Variants in ATL2 observed in about 807,000 individuals in gnomAD.
ATL2 encodes the protein atlastin-2.
Under a neutral mutation model 73.9 loss-of-function variants are expected in ATL2, and 31 were observed. The ratio of observed to expected loss-of-function variants is 0.42; its 90% CI spans 0.32 to 0.57. The LOEUF is 0.57. ATL2 is among the 20% of genes least tolerant of loss of function. The pLI is 0.14. For missense variants in ATL2, 738 were observed against 702.6 expected (o/e 1.05, Z -0.57); for synonymous variants, 291 against 237.5 (o/e 1.23, Z -2.07).
At chr2:38,327,405 T>C (rs567156412) in intron 2 of ATL2, among the ~76,000 whole-genome samples, 13 of 151,950 alleles carry the variant, frequency 8.6e-5, no homozygotes, top group East Asian at 3.9e-4. Flanking sequence ...TAAATGTACA[T>C]TGCAAACTCC....
chr2:38,343,699 A>G (rs1669860601), intron 1 of ATL2, among the ~76,000 whole-genome samples, 187 bp from the exon 2 acceptor site: 1 of 151,902 alleles, frequency 6.6e-6, no homozygotes, highest in Non-Finnish European at 1.5e-5. Context: ...AAGATTTCCC[A>G]CTTGATATGG....
rs893129589 is a variant in ATL2, at chr2:38,295,570, A to C, written c.*424T>G. Reference sequence around the variant, plus strand: ...AATGTAGTGGCTCAATAAAGGCTTCATTGTCTTTCCAATCTGGTTCTTGAA... The same window carrying C: ...AATGTAGTGGCTCAATAAAGGCTTCCTTGTCTTTCCAATCTGGTTCTTGAA... On this transcript the variant is annotated 3_prime_UTR_variant, in exon 13 of 13. Transcript: ENST00000378954. 1.3e-5 allele frequency: 2 copies of C among 154,198 alleles called. No individual in the cohort carries two copies. The highest frequency in any genetic ancestry group is 2.9e-5 in the Non-Finnish European group (2 of 69,436). The allele number at this position is 154,198 out of a possible 1,614,324, so 9.6% of individuals were successfully genotyped here.
At chr2:38,370,690 C>T (rs1314146884) in intron 1 of ATL2, among the ~76,000 whole-genome samples, 1 of 151,826 alleles carries the variant, frequency 6.6e-6, no homozygotes, top group Non-Finnish European at 1.5e-5. Context: ...TCTCTTGAAC[C>T]CAGAGGTGGA....
intron 2 of ATL2, among the ~76,000 whole-genome samples, chr2:38,322,711 T>C (rs917004069): frequency 2.0e-5 from 3 of 152,090 alleles, no homozygotes; most frequent in African/African-American, 7.2e-5. Flanking sequence ...CTAAACTGAT[T>C]AGTCAGCAAA....
At chr2:38,317,213 TTTC>T (rs942086766) in intron 4 of ATL2, among the ~76,000 whole-genome samples, 6 of 152,236 alleles carry the variant, frequency 3.9e-5, no homozygotes, top group Admixed American at 3.9e-4. Flanking sequence ...ATAAGAACAA[TTTC>T]TTATCTTGGG....
chr2:38,322,187 T>A (rs1472068392), intron 2 of ATL2, among the ~76,000 whole-genome samples: 6 of 145,070 alleles, frequency 4.1e-5, no homozygotes, highest in African/African-American at 8.4e-5. Flanking sequence ...TCCCCCACAA[T>A]GTCAAAAAAA....
At chr2:38,301,943 A>T (rs1249557889) in intron 9 of ATL2, among the ~76,000 whole-genome samples, 1 of 152,158 alleles carries the variant, frequency 6.6e-6, no homozygotes, top group African/African-American at 2.4e-5. Context: ...CTGCGTGAGG[A>T]GAGGAGAGGG....
intron 1 of ATL2, chr2:38,376,312 G>C: frequency 7.9e-7 from 1 of 1,272,876 alleles, no homozygotes; most frequent in Non-Finnish European, 1.0e-6. Context: ...GTCTTCGAGG[G>C]GGCAGGGGCG....
Position 38,367,602 on chromosome 2 carries a change from A to AAC in ATL2, c.118+9540_118+9541insGT, listed in dbSNP as rs1483282049. On this transcript the variant is annotated intron_variant, in intron 1 of 12. Transcript: ENST00000378954. ...AGAGCAAGAATCCATCTCAAAAAAA[A>AAC]AAAAAAAAAAAAAACCGCCCATTTA... 2.6e-4 allele frequency among the ~76,000 whole-genome samples: 36 copies of AAC among 139,500 alleles called. 2 individuals carry two copies. Among genetic ancestry groups the AAC allele is most frequent in the African/African-American group, 1.1e-3 (34 of 32,004 alleles). The allele number at this position is 139,500 out of a possible 152,430, so 91.5% of individuals were successfully genotyped here. A position where few individuals can be genotyped will look rare whatever the true frequency, so the allele number is the denominator to read the frequency against.
intron 2 of ATL2, among the ~76,000 whole-genome samples, chr2:38,332,364 G>C (rs1017795079): frequency 6.6e-6 from 1 of 152,078 alleles, no homozygotes; most frequent in Non-Finnish European, 1.5e-5. Context: ...ACACCACCAC[G>C]CTCGGCTAAT....
In ATL2 at chr2:38,349,653, C is replaced by T. The variant is rs563007924; in HGVS notation, c.119-6141G>A. On this transcript the variant is annotated intron_variant, in intron 1 of 12. Transcript: ENST00000378954. ...TAACCTGCACATTGTGCACATGTAC[C>T]CTAAAACTTAAAGTATAATAATAAA... Among the ~76,000 whole-genome samples, 12 of 151,270 alleles carry T rather than the reference C, an allele frequency of 7.9e-5. No individual in the cohort carries two copies. The East Asian group carries it at 2.3e-3, about 29-fold the overall frequency.
In ATL2 at chr2:38,355,212, C is replaced by T. The variant is rs367761762; in HGVS notation, c.119-11700G>A. Among the ~76,000 whole-genome samples the T allele has an allele frequency of 3.2e-3, 481 of 152,198 alleles. 4 individuals carry two copies. The highest frequency in any genetic ancestry group is 0.019 in the South Asian group (93 of 4,808). ...CACGATCTCAGCTCACTACAACCTC[C>T]GCCTCCTGGGTTCAAGCAATTCTCC... On this transcript the variant is annotated intron_variant, in intron 1 of 12. Transcript: ENST00000378954.
intron 1 of ATL2, among the ~76,000 whole-genome samples, chr2:38,371,014 CA>C (rs1671660151): frequency 6.6e-6 from 1 of 151,610 alleles, no homozygotes; most frequent in Non-Finnish European, 1.5e-5. Context: ...TAGGAAATGG[CA>C]AAAATCAACT....
intron 2 of ATL2, among the ~76,000 whole-genome samples, chr2:38,335,339 CAT>C (rs1669291820): frequency 1.3e-5 from 2 of 152,088 alleles, no homozygotes; most frequent in African/African-American, 2.4e-5. Context: ...ACTAGAAACC[CAT>C]ATGTCTATCA....
rs560341326 is a variant in ATL2 at position 38,308,054 on chromosome 2, C to T, written c.1071+1325G>A. Among the ~76,000 whole-genome samples, 10 of 148,246 alleles carry T rather than the reference C, an allele frequency of 6.7e-5. No individual in the cohort carries two copies. The South Asian group carries it at 2.4e-3, about 36-fold the overall frequency. On this transcript the variant is annotated intron_variant, in intron 9 of 12. Coordinates refer to ENST00000378954, the MANE Select transcript of ATL2 (RefSeq NM_001135673.4). ...TATGGAGAACAGTTTGGGGGTTCCTCAAAAGACTAAAAATAAAACGACCAT... is the reference window on the plus strand; with the variant it reads ...TATGGAGAACAGTTTGGGGGTTCCTTAAAAGACTAAAAATAAAACGACCAT...
rs549032278 is a variant in ATL2, at chr2:38,294,902, A to AT, written c.*1091dup. On this transcript the variant is annotated 3_prime_UTR_variant, in exon 13 of 13. Coordinates refer to ENST00000378954, the MANE Select transcript of ATL2 (RefSeq NM_001135673.4). The stretch of plus-strand genomic sequence containing the variant: ...AAGTTTCATTTTATATATACAACAA[A>AT]TTTTTAATTATGTACTGAAAATAAA... The AT allele has an allele frequency of 8.5e-4, 127 of 150,076 alleles. No homozygotes were observed. Among genetic ancestry groups the AT allele is most frequent in the African/African-American group, 3.0e-3 (124 of 41,190 alleles). 9.3% of individuals were successfully genotyped at this position (150,076 alleles called of 1,614,324 possible).
In ATL2 at chr2:38,360,719, G is replaced by A. The variant is rs550083289; in HGVS notation, c.118+16424C>T. ...AAGACCAAAAAAAAGGGTCTTAGACGGGCTCTTAGGTACTTTTTTGGGGGG... is the reference window on the plus strand; with the variant it reads ...AAGACCAAAAAAAAGGGTCTTAGACAGGCTCTTAGGTACTTTTTTGGGGGG... On this transcript the variant is annotated intron_variant, in intron 1 of 12. Transcript: ENST00000378954. Among the ~76,000 whole-genome samples, 7 of 152,154 alleles carry A rather than the reference G, an allele frequency of 4.6e-5. No individual in the cohort carries two copies. In the South Asian group the frequency reaches 1.0e-3, roughly 23 times the overall value.
At chr2:38,329,566 A>G (rs188930694) in intron 2 of ATL2, among the ~76,000 whole-genome samples, 170 of 152,196 alleles carry the variant, frequency 1.1e-3, no homozygotes, top group African/African-American at 3.8e-3. Flanking sequence ...ATTCTTTTAG[A>G]AAATAAGCAG....
chr2:38,303,353 G>A (rs34868538), intron 9 of ATL2, among the ~76,000 whole-genome samples: 6,812 of 152,024 alleles, frequency 0.045, 498 homozygotes, highest in African/African-American at 0.15. Flanking sequence ...CTACACGCGT[G>A]CGCCATCATG....
Sources: gnomAD v4.1 joint callset for allele counts (sites outside exome capture counted in the v4.1 genomes callset) on GRCh38, gnomAD v4.1.1 for gene constraint, MANE v1.5 for transcripts, NCBI Gene and HGNC (gene_info 2026-07-23, HGNC 2026-07-21) for gene names.